PRKN: variants seen among roughly 807,000 people sequenced by gnomAD.
The protein encoded by PRKN is E3 ubiquitin-protein ligase parkin.
Under a neutral mutation model 59.5 loss-of-function variants are expected in PRKN, and 56 were observed. That is an observed-to-expected ratio of 0.94 (90% CI 0.76 to 1.18). The LOEUF (loss-of-function observed/expected upper bound fraction) is 1.18, where lower values mean the gene tolerates loss of function less well. Ranked by LOEUF, PRKN falls within the 50% of genes most tolerant of loss-of-function variation. The pLI, the probability that PRKN is intolerant of heterozygous loss-of-function variation, is 0.00. For synonymous variants in PRKN, 250 were observed against 222.1 expected (o/e 1.13, Z -1.12); for missense variants, 657 against 596.4 (o/e 1.10, Z -1.06).
chr6:161,569,185 G>C (rs965763178), intron 8 of PRKN, among the ~76,000 whole-genome samples, 170 bp downstream of exon 8: 1 of 152,176 alleles, frequency 6.6e-6, no homozygotes, highest in African/African-American at 2.4e-5. Flanking sequence ...AGGTCTGATG[G>C]ATAGAAGAGG....
chr6:162,462,196 C>T (rs1791210503), intron 1 of PRKN, among the ~76,000 whole-genome samples: 1 of 152,116 alleles, frequency 6.6e-6, no homozygotes, highest in South Asian at 2.1e-4. Flanking sequence ...AATATTAAGA[C>T]AACATGTTAA....
At chr6:162,262,360 A>T in intron 3 of PRKN, 165 bp downstream of exon 3, 1 of 807,248 alleles carries the variant, frequency 1.2e-6, no homozygotes, top group Non-Finnish European at 2.2e-6. Flanking sequence ...CTCAAATGTT[A>T]CATCAAAGTA....
intron 6 of PRKN, among the ~76,000 whole-genome samples, chr6:161,920,568 C>T (rs375190122): frequency 2.5e-4 from 38 of 151,472 alleles, no homozygotes; most frequent in Middle Eastern, 3.5e-3. Flanking sequence ...AAGTGGATCA[C>T]GAAGTCAAGA....
intron 9 of PRKN, among the ~76,000 whole-genome samples, chr6:161,404,633 T>C (rs562430045): frequency 6.6e-6 from 1 of 152,356 alleles, no homozygotes; most frequent in South Asian, 2.1e-4. Flanking sequence ...GTTTACATTA[T>C]CTGTAAGAAT....
intron 4 of PRKN, among the ~76,000 whole-genome samples, chr6:162,189,622 C>A (rs1478028324): frequency 2.0e-5 from 3 of 151,698 alleles, no homozygotes; most frequent in African/African-American, 7.3e-5. Flanking sequence ...GGAAATGAAT[C>A]TAATAAGGGA....
intron 7 of PRKN, among the ~76,000 whole-genome samples, chr6:161,615,208 G>C (rs1582893722): frequency 6.6e-6 from 1 of 152,208 alleles, no homozygotes; most frequent in East Asian, 1.9e-4. Context: ...GAAACAGCTA[G>C]ATGCCTTTTG....
At chr6:161,689,950 TAC>T (rs3066563) in intron 7 of PRKN, among the ~76,000 whole-genome samples, 125,517 of 151,822 alleles carry the variant, frequency 0.83, 52,000 homozygotes, top group Admixed American at 0.86. Context: ...CCTCAAGGGA[TAC>T]ACGCCCGCCT....
chr6:162,612,030 G>A (rs1355174001), intron 1 of PRKN, among the ~76,000 whole-genome samples: 19 of 143,136 alleles, frequency 1.3e-4, no homozygotes, highest in Middle Eastern at 3.6e-3. Flanking sequence ...CTAAAAATAC[G>A]AAAAAAAAAA....
At chr6:162,230,142 T>C (rs1778360807) in intron 3 of PRKN, among the ~76,000 whole-genome samples, 1 of 152,168 alleles carries the variant, frequency 6.6e-6, no homozygotes, top group Non-Finnish European at 1.5e-5. Context: ...AATAGCAAGG[T>C]TGTAGGTTGA....
intron 5 of PRKN, among the ~76,000 whole-genome samples, chr6:161,987,922 G>A (rs993279165): frequency 6.6e-6 from 1 of 152,210 alleles, no homozygotes; most frequent in Non-Finnish European, 1.5e-5. Flanking sequence ...CGGTTGCTAA[G>A]AGGCATATGT....
chr6:161,557,504 G>A (rs1254942635), intron 8 of PRKN, among the ~76,000 whole-genome samples: 1 of 152,102 alleles, frequency 6.6e-6, no homozygotes, highest in Non-Finnish European at 1.5e-5. Flanking sequence ...TGCATGTTAA[G>A]TACATTAAAG....
At chr6:161,403,878 C>T (rs143255052) in intron 9 of PRKN, among the ~76,000 whole-genome samples, 1,840 of 152,268 alleles carry the variant, frequency 0.012, 130 homozygotes, top group Admixed American at 0.11. Flanking sequence ...TTCACACATG[C>T]CTTTGCCCTT....
chr6:162,578,747 T>G (rs562046577), intron 1 of PRKN, among the ~76,000 whole-genome samples: 1 of 152,372 alleles, frequency 6.6e-6, no homozygotes, highest in Non-Finnish European at 1.5e-5. Context: ...TTTTAAGGGC[T>G]GTTCATTTGA....
chr6:162,517,690 A>G (rs73037936), intron 1 of PRKN, among the ~76,000 whole-genome samples: 13,603 of 152,226 alleles, frequency 0.089, 658 homozygotes, highest in South Asian at 0.17. Context: ...GGCAAGCACC[A>G]TGCCTACTAC....
At chr6:162,575,153 G>A (rs563762388) in intron 1 of PRKN, among the ~76,000 whole-genome samples, 12 of 152,190 alleles carry the variant, frequency 7.9e-5, no homozygotes, top group East Asian at 1.9e-4. Context: ...AATGAGGCTC[G>A]ACGTCCCTCA....
At chr6:162,178,677 T>C (rs974109394) in intron 4 of PRKN, among the ~76,000 whole-genome samples, 1 of 152,216 alleles carries the variant, frequency 6.6e-6, no homozygotes, top group African/African-American at 2.4e-5. Flanking sequence ...TACATCATCC[T>C]GCAATGGTCA....
At chr6:162,488,164 C>T (rs187372969) in intron 1 of PRKN, among the ~76,000 whole-genome samples, 337 of 151,638 alleles carry the variant, frequency 2.2e-3, no homozygotes, top group African/African-American at 7.8e-3. Flanking sequence ...AATCACAGGG[C>T]TGTCTATAGA....
At position 161,451,611 on chromosome 6, in the gene PRKN, T is replaced by G. The variant is rs1259069042; in HGVS notation, c.1084-64734A>C. Among the ~76,000 whole-genome samples the G allele has an allele frequency of 6.6e-6, 1 of 152,184 alleles. No individual in the cohort carries two copies. Among genetic ancestry groups the G allele is most frequent in the South Asian group, 2.1e-4 (1 of 4,834 alleles). ...ATCCTTGAATGGCCAGAGTAACCTG[T>G]CTCAAGAATATGAGCAAGATGATTC... On this transcript the variant is annotated intron_variant, in intron 9 of 11. Transcript: ENST00000366898. This position sits in a 1 kb window ranked among gnomAD's most constrained non-coding sequence, Gnocchi z 5.9.
rs1315192434 is a variant in PRKN at position 161,547,917 on chromosome 6, C to T, written c.1083+937G>A. Among the ~76,000 whole-genome samples, 1 of 152,106 alleles carries T rather than the reference C, an allele frequency of 6.6e-6. No homozygotes were observed. The highest frequency in any genetic ancestry group is 1.9e-4 in the East Asian group (1 of 5,192). On this transcript the variant is annotated intron_variant, in intron 9 of 11. Coordinates refer to ENST00000366898, the MANE Select transcript of PRKN (RefSeq NM_004562.3). The surrounding 1 kb of genome is among the most constrained non-coding windows in gnomAD (Gnocchi z 4.0). ...TTGCTCAACCCAGGATTTTATGAGC[C>T]CCACTGCATGACATACAGGAAGCTT...
Sources: gnomAD v4.1 joint callset for allele counts (sites outside exome capture counted in the v4.1 genomes callset) on GRCh38, gnomAD v4.1.1 for gene constraint, Gnocchi (gnomAD v3.1) non-coding constraint, MANE v1.5 for transcripts, NCBI Gene and HGNC (gene_info 2026-07-23, HGNC 2026-07-21) for gene names.